MAMLD1: variants seen among roughly 807,000 people sequenced by gnomAD.
MAMLD1 encodes the protein mastermind-like domain-containing protein 1.
In MAMLD1, 14 loss-of-function variants were observed where a neutral mutation model predicts 45.0. The observed-to-expected ratio is 0.31, with a 90% confidence interval of 0.21 to 0.49. MAMLD1 has a LOEUF of 0.49. MAMLD1 is among the 20% of genes least tolerant of loss of function. MAMLD1 has a pLI of 0.99. For synonymous variants in MAMLD1, 254 were observed against 247.8 expected, an observed-to-expected ratio of 1.02 and a Z score of -0.24; for missense variants, 543 against 603.6, an observed-to-expected ratio of 0.90 and a Z score of 1.05.
chrX:150,398,581 A>G (rs972647686), intron 1 of MAMLD1, among the ~76,000 whole-genome samples: 1 of 111,233 alleles, frequency 9.0e-6, no homozygotes, highest in Non-Finnish European at 1.9e-5. Context: ...CTCAGTGTGG[A>G]CTCAATAATG....
intron 1 of MAMLD1, among the ~76,000 whole-genome samples, chrX:150,431,315 T>C (rs192488984): frequency 9.0e-6 from 1 of 111,671 alleles, no homozygotes; most frequent in African/African-American, 3.3e-5. Context: ...GTATGAGTTC[T>C]AGCAGTTTCT....
chrX:150,397,720 A>G (rs1228867583), intron 1 of MAMLD1, among the ~76,000 whole-genome samples: 2 of 110,890 alleles, frequency 1.8e-5, no homozygotes, highest in Non-Finnish European at 3.8e-5. Flanking sequence ...CTCACCAGAC[A>G]CTGAATTTAT....
chrX:150,512,743 T>C lies in MAMLD1; in HGVS notation c.*784T>C. 8.7e-7 allele frequency: 1 copy of C among 1,155,115 alleles called. No individual in the cohort carries two copies. Among genetic ancestry groups the C allele is most frequent in the South Asian group, 1.9e-5 (1 of 52,697 alleles). ...TACAGGGCATCGAGCCACCAAGCTA[T>C]GTGGCTGCTGCTGCCACCGCTGCTG... On this transcript the variant is annotated 3_prime_UTR_variant, in exon 8 of 8. Coordinates refer to ENST00000370401, the MANE Select transcript of MAMLD1 (RefSeq NM_005491.5).
chrX:150,438,600 A>C (rs1286171210), intron 1 of MAMLD1, among the ~76,000 whole-genome samples: 4 of 112,161 alleles, frequency 3.6e-5, no homozygotes, highest in African/African-American at 6.5e-5. Flanking sequence ...TGAAGATGGA[A>C]TCATACAGTA....
intron 5 of MAMLD1, among the ~76,000 whole-genome samples, chrX:150,493,790 A>T (rs782314296): frequency 6.9e-4 from 78 of 112,238 alleles, no homozygotes; most frequent in Admixed American, 1.8e-3. Context: ...CTTTTTAAAT[A>T]TATTTTATGA....
At chrX:150,456,629 C>T (rs1557405349) in intron 2 of MAMLD1, among the ~76,000 whole-genome samples, 1 of 112,032 alleles carries the variant, frequency 8.9e-6, no homozygotes, top group Non-Finnish European at 1.9e-5. Flanking sequence ...AAGCCGCATC[C>T]TGTATGTGTA....
chrX:150,398,781 T>A (rs2033631219), intron 1 of MAMLD1, among the ~76,000 whole-genome samples: 1 of 111,035 alleles, frequency 9.0e-6, no homozygotes, highest in Admixed American at 9.5e-5. Flanking sequence ...AGCCTTATGG[T>A]GTAATTATTT....
intron 5 of MAMLD1, among the ~76,000 whole-genome samples, chrX:150,491,334 C>G (rs1018890401): frequency 8.9e-6 from 1 of 112,080 alleles, no homozygotes; most frequent in African/African-American, 3.2e-5. Context: ...CGCCACTGCT[C>G]TCCTCACTCA....
At chrX:150,433,753 A>G (rs934363975) in intron 1 of MAMLD1, among the ~76,000 whole-genome samples, 1 of 112,103 alleles carries the variant, frequency 8.9e-6, no homozygotes, top group Non-Finnish European at 1.9e-5. Context: ...TCACAAGGAT[A>G]AAGCCTACTT....
chrX:150,470,817 T>C lies in MAMLD1; in HGVS notation c.1244T>C (p.Leu415Pro). ...CCTGAGAAGCTCCCCAGCCCTGCTCTCACTCAACAGCCGCAGTTCGGCCCT... is the reference window on the plus strand; with the variant it reads ...CCTGAGAAGCTCCCCAGCCCTGCTCCCACTCAACAGCCGCAGTTCGGCCCT... The part of the protein sequence containing the change: ...YAPEKLPSPA[L>P]TQQPQFGPQS... The change falls in exon 4 of 8, where the codon CTC (leucine) becomes CCC (proline). Residue 415 changes from leucine (L) to proline (P), a missense_variant. Leu to Pro is a moderately conservative substitution (Grantham distance 98). Transcript: ENST00000370401. 1 of 1,212,100 alleles carries C rather than the reference T, an allele frequency of 8.3e-7. No individual in the cohort carries two copies. Among genetic ancestry groups the C allele is most frequent in the Non-Finnish European group, 1.1e-6 (1 of 895,632 alleles).
intron 1 of MAMLD1, among the ~76,000 whole-genome samples, chrX:150,440,889 T>C (rs1023297819): frequency 9.6e-6 from 1 of 104,567 alleles, no homozygotes; most frequent in African/African-American, 3.4e-5. Context: ...TAATATTTAA[T>C]ATAATATTTA....
intron 1 of MAMLD1, among the ~76,000 whole-genome samples, chrX:150,435,759 G>T (rs2035104395): frequency 8.9e-6 from 1 of 112,296 alleles, no homozygotes; most frequent in Non-Finnish European, 1.9e-5. Flanking sequence ...CTGTCATCAT[G>T]TTGTTTACTG....
intron 1 of MAMLD1, among the ~76,000 whole-genome samples, chrX:150,431,536 ATAGGTAGTTTTTTGATTC>A (rs1215561828): frequency 9.1e-6 from 1 of 110,270 alleles, no homozygotes; most frequent in Non-Finnish European, 1.9e-5. Flanking sequence ...ATAGTACCTG[ATAGGTAGTTTTTTGATTC>A]TCACCCTCTT....
At chrX:150,424,780 A>G (rs1385999826) in intron 1 of MAMLD1, among the ~76,000 whole-genome samples, 3 of 112,396 alleles carry the variant, frequency 2.7e-5, no homozygotes, top group Non-Finnish European at 5.6e-5. Flanking sequence ...AAAGTTTACA[A>G]TTCAATGTGT....
At chrX:150,408,244 C>T (rs1400056566) in intron 1 of MAMLD1, among the ~76,000 whole-genome samples, 1 of 110,780 alleles carries the variant, frequency 9.0e-6, no homozygotes, top group Non-Finnish European at 1.9e-5. Flanking sequence ...ACTGGGGCGC[C>T]GCTCTTATCA....
rs146302921 is a variant in MAMLD1, at chrX:150,471,130, C to T, written c.1557C>T (p.Ser519=). 1.3e-4 allele frequency: 152 copies of T among 1,209,607 alleles called. No individual in the cohort carries two copies. The highest frequency in any genetic ancestry group is 1.6e-4 in the Non-Finnish European group (147 of 895,117). The stretch of plus-strand genomic sequence containing the variant: ...GCAGCAACTCATCCAAAACCCTGAG[C>T]ATGATCATGCAGCAGGGGATGGCAA... ...PISSNSSKTL[S]MIMQQGMASS... The change falls in exon 4 of 8, where the codon AGC becomes AGT. Residue 519 remains serine, a synonymous_variant. Transcript: ENST00000370401.
In MAMLD1 at chrX:150,473,769, T is replaced by C. The variant is rs1215333273; in HGVS notation, c.2007T>C (p.Asp669=). Residue 669 remains aspartate, a synonymous_variant, in exon 5 of 8, where the codon GAT becomes GAC. Transcript: ENST00000370401. ...QHGNSFTSRQ[D]PQPGDVSPSN... is the part of the protein sequence containing the mutation. ...GGAACTCTTTCACTAGCAGGCAAGATCCTCAGCCTGGAGACGTGTCACCGT... is the reference window on the plus strand; with the variant it reads ...GGAACTCTTTCACTAGCAGGCAAGACCCTCAGCCTGGAGACGTGTCACCGT... The C allele has an allele frequency of 1.2e-5, 15 of 1,207,257 alleles. No homozygotes were observed. In the Admixed American group the frequency reaches 3.3e-4, roughly 26 times the overall value.
intron 1 of MAMLD1, among the ~76,000 whole-genome samples, chrX:150,425,912 C>A (rs2034688592): frequency 8.9e-6 from 1 of 112,043 alleles, no homozygotes; most frequent in Non-Finnish European, 1.9e-5. Flanking sequence ...TCATAGCAGG[C>A]ACCCAAAGAT....
chrX:150,469,653 C>CTGTG lies in MAMLD1; in HGVS notation c.172-91_172-90insGTGT, dbSNP rs1557406178. 6.1e-3 allele frequency: 2,925 copies of CTGTG among 479,776 alleles called. 15 individuals carry two copies. The highest frequency in any genetic ancestry group is 0.027 in the African/African-American group (930 of 33,976). 39.5% of individuals were successfully genotyped at this position (479,776 alleles called of 1,213,427 possible). ...TCTCTCTGTCTCTCTCTCTCTCTCTCTCTGTGTGTGTGTGTGTGTGTGTGT... is the reference window on the plus strand; with the variant it reads ...TCTCTCTGTCTCTCTCTCTCTCTCTCTGTGTCTGTGTGTGTGTGTGTGTGTGTGT... On this transcript the variant is annotated intron_variant, in intron 3 of 7. Transcript: ENST00000370401.
Sources: gnomAD v4.1 joint callset for allele counts (sites outside exome capture counted in the v4.1 genomes callset) on GRCh38, gnomAD v4.1.1 for gene constraint, MANE v1.5 for transcripts, NCBI Gene and HGNC (gene_info 2026-07-23, HGNC 2026-07-21) for gene names.